The following GALNT9 variants were observed in gnomAD, a reference collection of about 807,000 sequenced individuals.
The protein encoded by GALNT9 is polypeptide N-acetylgalactosaminyltransferase 9.
In GALNT9, 47 loss-of-function variants were observed where a neutral mutation model predicts 63.1. The ratio of observed to expected loss-of-function variants is 0.75; its 90% confidence interval spans 0.59 to 0.95. The LOEUF (loss-of-function observed/expected upper bound fraction) is 0.95. Among genes scored for constraint, GALNT9 ranks in the 40% least tolerant of loss-of-function variants. The pLI, the probability that GALNT9 is intolerant of heterozygous loss-of-function variation, is 0.00. For missense variants in GALNT9, 829 were observed against 874.8 expected (o/e 0.95, Z 0.66); for synonymous variants, 396 against 365.7 (o/e 1.08, Z -0.94).
intron 7 of GALNT9, among the ~76,000 whole-genome samples, chr12:132,203,244 T>G (rs1876323278): frequency 6.6e-6 from 1 of 152,174 alleles, no homozygotes; most frequent in African/African-American, 2.4e-5. Flanking sequence ...GGGCAATTGC[T>G]CTAGGCTGAG....
intron 1 of GALNT9, among the ~76,000 whole-genome samples, chr12:132,321,388 A>G (rs782363801): frequency 1.3e-4 from 20 of 152,108 alleles, no homozygotes; most frequent in Non-Finnish European, 2.6e-4. Flanking sequence ...ATGTGCTTCA[A>G]GCAGCTAGTG....
In GALNT9 at chr12:132,229,892, T is replaced by A. The variant is rs1042555177; in HGVS notation, c.1077+18018A>T. Among the ~76,000 whole-genome samples the A allele has an allele frequency of 3.9e-5, 6 of 152,188 alleles. No homozygotes were observed. The South Asian group carries it at 1.2e-3, about 32-fold the overall frequency. On this transcript the variant is annotated intron_variant, in intron 6 of 10. Transcript: ENST00000328957. ...CTTGCCCAAGGTCACCGTCCGTCGG[T>A]GGTGGAGTCACAGGCTCTCAGCCCC...
chr12:132,319,584 G>GTCTCTCTCTA lies in GALNT9; in HGVS notation c.238+9372_238+9381dup, dbSNP rs1349214461. On this transcript the variant is annotated intron_variant, in intron 1 of 10. Coordinates refer to ENST00000328957, the MANE Select transcript of GALNT9 (RefSeq NM_001122636.2). This position sits in a 1 kb window ranked among gnomAD's most constrained non-coding sequence, Gnocchi z 5.2. ...ATCCTCACCCTACATCTCCTCTTGG[G>GTCTCTCTCTA]TCTCTCTCTATCCGCCGGCTCCTTT... Among the ~76,000 whole-genome samples the GTCTCTCTCTA allele has an allele frequency of 6.6e-6, 1 of 152,120 alleles. No individual in the cohort carries two copies. The highest frequency in any genetic ancestry group is 1.5e-5 in the Non-Finnish European group (1 of 68,026).
At chr12:132,287,587 G>A (rs28564976) in intron 1 of GALNT9, among the ~76,000 whole-genome samples, 2,262 of 152,232 alleles carry the variant, frequency 0.015, 46 homozygotes, top group African/African-American at 0.05. Flanking sequence ...TGTGGCCGCC[G>A]GCGTGAGGTT....
At chr12:132,287,628 T>C (rs1880652164) in intron 1 of GALNT9, among the ~76,000 whole-genome samples, 1 of 152,024 alleles carries the variant, frequency 6.6e-6, no homozygotes, top group Non-Finnish European at 1.5e-5. Context: ...ACCCACCCCA[T>C]GGCCATCGGG....
chr12:132,305,950 T>C (rs544589775), intron 1 of GALNT9, among the ~76,000 whole-genome samples: 1 of 152,204 alleles, frequency 6.6e-6, no homozygotes, highest in South Asian at 2.1e-4. Flanking sequence ...TTTAGGACAG[T>C]GGCTCTCACA....
chr12:132,230,338 C>T (rs1384435178), intron 6 of GALNT9, among the ~76,000 whole-genome samples: 3 of 152,222 alleles, frequency 2.0e-5, no homozygotes, highest in African/African-American at 7.2e-5. Context: ...CAAAATGAAA[C>T]AGTCACTTTA....
chr12:132,289,136 C>G (rs1880715705), intron 1 of GALNT9, among the ~76,000 whole-genome samples: 1 of 152,176 alleles, frequency 6.6e-6, no homozygotes, highest in African/African-American at 2.4e-5. Context: ...ACGTTCAGCT[C>G]CAGGAAGTTT....
chr12:132,284,384 G>A (rs1880506661), intron 2 of GALNT9: 1 of 152,270 alleles, frequency 6.6e-6, no homozygotes, highest in Admixed American at 6.5e-5. Context: ...CCAAACCGAA[G>A]TCATTCCAGC....
intron 2 of GALNT9, chr12:132,280,535 G>A (rs1474553823): frequency 2.0e-5 from 3 of 152,280 alleles, no homozygotes; most frequent in African/African-American, 7.2e-5. Context: ...TTCTGAGAGC[G>A]GTTAGGGGAA....
rs1187128886 is a variant in GALNT9 at position 132,319,611 on chromosome 12, C to G, written c.238+9355G>C. On this transcript the variant is annotated intron_variant, in intron 1 of 10. Transcript: ENST00000328957. The surrounding 1 kb of genome is among the most constrained non-coding windows in gnomAD (Gnocchi z 5.2). ...CTCTCTCTATCCGCCGGCTCCTTTC[C>G]TCGGGAGAGCCCTGACGCACACACT... is the stretch of plus-strand genomic sequence containing the variant. Among the ~76,000 whole-genome samples the G allele has an allele frequency of 6.6e-6, 1 of 152,172 alleles. No homozygotes were observed. Among genetic ancestry groups the G allele is most frequent in the Non-Finnish European group, 1.5e-5 (1 of 68,032 alleles).
At chr12:132,303,431 G>A (rs61945669) in intron 1 of GALNT9, among the ~76,000 whole-genome samples, 38,201 of 94,994 alleles carry the variant, frequency 0.4, 8,826 homozygotes, top group African/African-American at 0.52. Context: ...AGCCTCGCCC[G>A]GGCACACCCT....
chr12:132,291,298 AT>A, intron 1 of GALNT9, among the ~76,000 whole-genome samples: 1 of 54,500 alleles, frequency 1.8e-5, no homozygotes, highest in Non-Finnish European at 3.2e-5. Context: ...ACCCACGTCC[AT>A]AGCACCCACA....
chr12:132,317,357 A>G (rs1274540055), intron 1 of GALNT9, among the ~76,000 whole-genome samples: 1 of 152,158 alleles, frequency 6.6e-6, no homozygotes, highest in Non-Finnish European at 1.5e-5. Flanking sequence ...CCCCCAGGCC[A>G]CACCCTCTCT....
chr12:132,276,244 G>A (rs1415961063), intron 2 of GALNT9: 1 of 154,794 alleles, frequency 6.5e-6, no homozygotes, highest in Non-Finnish European at 1.5e-5. Flanking sequence ...ACAGACCCCA[G>A]GCCTGGACAG....
intron 2 of GALNT9, among the ~76,000 whole-genome samples, chr12:132,267,472 T>C (rs997816239): frequency 1.3e-5 from 2 of 152,188 alleles, no homozygotes; most frequent in East Asian, 1.9e-4. Flanking sequence ...ACCCACACCG[T>C]CGCCCAGCAC....
intron 1 of GALNT9, among the ~76,000 whole-genome samples, chr12:132,303,389 A>G (rs1389299488): frequency 2.2e-5 from 3 of 139,214 alleles, no homozygotes; most frequent in African/African-American, 9.1e-5. Context: ...TCCGGGGCAC[A>G]GCCTCGCCCG....
At chr12:132,237,022 G>A (rs2136895124) in intron 6 of GALNT9, among the ~76,000 whole-genome samples, 23 of 152,256 alleles carry the variant, frequency 1.5e-4, no homozygotes, top group South Asian at 1.0e-3. Context: ...ATGGGATTCC[G>A]CCCAGGTCCT....
At position 132,316,812 on chromosome 12, in the gene GALNT9, C is replaced by T. The variant is rs1868533216; in HGVS notation, c.238+12154G>A. On this transcript the variant is annotated intron_variant, in intron 1 of 10. Transcript: ENST00000328957. This position sits in a 1 kb window ranked among gnomAD's most constrained non-coding sequence, Gnocchi z 4.3. Reference sequence around the variant, plus strand: ...ATAGGGACATTTGGTGAGACCTGGGCAGGTTTGGCTGTCACACCTGGGGAG... The same window carrying T: ...ATAGGGACATTTGGTGAGACCTGGGTAGGTTTGGCTGTCACACCTGGGGAG... Among the ~76,000 whole-genome samples the T allele has an allele frequency of 6.6e-6, 1 of 151,992 alleles. No individual in the cohort carries two copies. Among genetic ancestry groups the T allele is most frequent in the Non-Finnish European group, 1.5e-5 (1 of 67,980 alleles).
Sources: gnomAD v4.1 joint callset for allele counts (sites outside exome capture counted in the v4.1 genomes callset) on GRCh38, gnomAD v4.1.1 for gene constraint, Gnocchi (gnomAD v3.1) non-coding constraint, MANE v1.5 for transcripts, NCBI Gene and HGNC (gene_info 2026-07-23, HGNC 2026-07-21) for gene names.